The following FRY variants were observed in gnomAD, a reference collection of about 807,000 sequenced individuals.
The protein encoded by FRY is protein furry homolog.
In FRY, 128 loss-of-function variants were observed where a neutral mutation model predicts 348.4. That is an observed-to-expected ratio of 0.37 (90% CI 0.32 to 0.43). The LOEUF is 0.43. Among genes scored for constraint, FRY ranks in the 20% least tolerant of loss-of-function variants. FRY has a pLI of 1.00. For synonymous variants in FRY, 1,370 were observed against 1,374.7 expected (o/e 1.00, Z 0.08); for missense variants, 2,736 against 3,695.2 (o/e 0.74, Z 6.73).
Position 32,234,602 on chromosome 13 carries a change from A to T in FRY, c.5556A>T (p.Glu1852Asp). ...SGFHLEHQLS[E>D]VALQTALASS... ...TCCATCTGGAGCACCAGTTGAGTGAAGTTGCATTGCAGACAGCCCTCGCAA... is the reference window on the plus strand; with the variant it reads ...TCCATCTGGAGCACCAGTTGAGTGATGTTGCATTGCAGACAGCCCTCGCAA... The change falls in exon 42 of 61, where the codon GAA becomes GAT. Residue 1852 changes from glutamate (E) to aspartate (D), a missense_variant. Physicochemically the swap from Glu to Asp is conservative, Grantham distance 45 (BLOSUM62 2). This residue lies in a region of FRY where 794 missense variants were observed against 977.0 expected (regional missense o/e 0.81). Coordinates refer to ENST00000542859, the MANE Select transcript of FRY (RefSeq NM_023037.3). 6.2e-7 allele frequency: 1 copy of T among 1,614,126 alleles called. No individual in the cohort carries two copies. The highest frequency in any genetic ancestry group is 8.5e-7 in the Non-Finnish European group (1 of 1,180,006).
intron 29 of FRY, 50 bp from the exon 30 acceptor site, chr13:32,201,891 C>G (rs73169120): frequency 9.9e-7 from 1 of 1,013,072 alleles, no homozygotes; most frequent in South Asian, 1.3e-5. Context: ...AATCTAGCCA[C>G]TCTGTCTTAT....
intron 58 of FRY, among the ~76,000 whole-genome samples, chr13:32,285,205 T>A (rs749319897): frequency 5.3e-5 from 8 of 152,190 alleles, no homozygotes; most frequent in Non-Finnish European, 1.2e-4. Flanking sequence ...CTCAAGGGAT[T>A]ATTTTTAGAA....
intron 3 of FRY, among the ~76,000 whole-genome samples, chr13:32,105,552 A>G (rs2138647260): frequency 6.6e-6 from 1 of 152,296 alleles, no homozygotes; most frequent in Non-Finnish European, 1.5e-5. Flanking sequence ...TAAACATTCA[A>G]ATTATATAGT....
In FRY at chr13:32,178,387, C is replaced by T; in HGVS notation, c.2632C>T (p.Pro878Ser). The T allele has an allele frequency of 2.5e-6, 4 of 1,614,108 alleles. No homozygotes were observed. Among genetic ancestry groups the T allele is most frequent in the Non-Finnish European group, 3.4e-6 (4 of 1,179,956 alleles). ...HCPTALSYAWPYAFTRLQSVM... is the reference protein window; with the variant it reads ...HCPTALSYAWSYAFTRLQSVM... Reference sequence around the variant, plus strand: ...CCCCACAGCCCTCAGCTATGCCTGGCCTTATGCCTTCACTCGGCTCCAGTC... The same window carrying T: ...CCCCACAGCCCTCAGCTATGCCTGGTCTTATGCCTTCACTCGGCTCCAGTC... The change falls in exon 21 of 61, where the codon CCT becomes TCT. Residue 878 changes from proline to serine, a missense_variant. By Grantham distance (74) the Pro-to-Ser change is moderately conservative. Around this residue, in one of 9 missense-constraint regions of FRY, gnomAD observed 449 missense variants for 576.9 expected, o/e 0.78. Transcript: ENST00000542859.
intron 28 of FRY, among the ~76,000 whole-genome samples, chr13:32,192,739 C>CTTTTTT (rs71194513): frequency 4.0e-5 from 4 of 99,244 alleles, no homozygotes; most frequent in Non-Finnish European, 5.9e-5. Context: ...CAGAATGTTA[C>CTTTTTT]TTTTTTTTTT....
intron 36 of FRY, among the ~76,000 whole-genome samples, chr13:32,220,894 CA>C (rs1377205015): frequency 6.6e-6 from 1 of 152,184 alleles, no homozygotes; most frequent in African/African-American, 2.4e-5. Context: ...TAATTTGTTG[CA>C]AGTAAGTTAC....
At position 32,196,847 on chromosome 13, in the gene FRY, T is replaced by A. The variant is rs183283221; in HGVS notation, c.3746+2550T>A. Among the ~76,000 whole-genome samples the A allele has an allele frequency of 4.4e-3, 676 of 152,322 alleles. 1 individual carries two copies. The highest frequency in any genetic ancestry group is 5.9e-3 in the Non-Finnish European group (401 of 68,016). ...CTATAATTTAGTACAAAAAATTGCTTACTTGTTAGGCAGCTTTAGTTCAAA... is the reference window on the plus strand; with the variant it reads ...CTATAATTTAGTACAAAAAATTGCTAACTTGTTAGGCAGCTTTAGTTCAAA... On this transcript the variant is annotated intron_variant, in intron 29 of 60. Transcript: ENST00000542859.
intron 11 of FRY, among the ~76,000 whole-genome samples, chr13:32,139,063 TGATAA>T (rs1593657605): frequency 6.6e-6 from 1 of 152,176 alleles, no homozygotes; most frequent in Non-Finnish European, 1.5e-5. Flanking sequence ...AAAATATCCT[TGATAA>T]GATAAAAATG....
chr13:32,036,319 C>T (rs935519436), intron 1 of FRY, among the ~76,000 whole-genome samples: 3 of 152,156 alleles, frequency 2.0e-5, no homozygotes, highest in African/African-American at 7.2e-5. Flanking sequence ...AGGAGACTTA[C>T]TCCAGTGTCC....
At chr13:32,051,720 T>C in intron 1 of FRY, among the ~76,000 whole-genome samples, 1 of 152,208 alleles carries the variant, frequency 6.6e-6, no homozygotes, top group Non-Finnish European at 1.5e-5. Context: ...CCAATATTCA[T>C]TGAGGACCCA....
At chr13:32,117,494 G>A in intron 4 of FRY, 21 bp downstream of exon 4, 1 of 1,610,310 alleles carries the variant, frequency 6.2e-7, no homozygotes, top group Non-Finnish European at 8.5e-7. Flanking sequence ...TTTGTGTAAG[G>A]ATCATGGTTT....
intron 28 of FRY, among the ~76,000 whole-genome samples, chr13:32,188,072 T>A (rs1196582575): frequency 1.3e-5 from 2 of 152,158 alleles, no homozygotes; most frequent in Non-Finnish European, 2.9e-5. Flanking sequence ...CCTAAACTTG[T>A]GGGCTGTAAG....
At chr13:32,036,865 T>C (rs931592682) in intron 1 of FRY, among the ~76,000 whole-genome samples, 1 of 152,136 alleles carries the variant, frequency 6.6e-6, no homozygotes, top group African/African-American at 2.4e-5. Flanking sequence ...TTTTAATCAC[T>C]CAAAGGACCA....
At chr13:32,086,000 T>G (rs423932) in intron 2 of FRY, 352,042 of 518,540 alleles carry the variant, frequency 0.68, 120,380 homozygotes, top group Middle Eastern at 0.72. Context: ...AATACTTGAG[T>G]CCTACCCAGG....
chr13:32,285,132 G>C (rs1888984386), intron 58 of FRY, among the ~76,000 whole-genome samples: 1 of 152,074 alleles, frequency 6.6e-6, no homozygotes, highest in African/African-American at 2.4e-5. Flanking sequence ...ATAAAACAAG[G>C]ACATTCCCAC....
At chr13:32,131,414 A>G (rs1879352508) in intron 7 of FRY, among the ~76,000 whole-genome samples, 1 of 152,218 alleles carries the variant, frequency 6.6e-6, no homozygotes, top group African/African-American at 2.4e-5. Context: ...CATTTTGAGA[A>G]GGTCTAAATA....
Position 32,244,153 on chromosome 13 carries a change from G to A in FRY, c.6799G>A (p.Val2267Ile), listed in dbSNP as rs763580582. The change falls in exon 47 of 61, where the codon GTT becomes ATT. Residue 2267 changes from valine (V) to isoleucine (I), a missense_variant. Physicochemically the swap from Val to Ile is conservative, Grantham distance 29. Around this residue, in one of 9 missense-constraint regions of FRY, gnomAD observed 789 missense variants for 996.2 expected, o/e 0.79. Coordinates refer to ENST00000542859, the MANE Select transcript of FRY (RefSeq NM_023037.3). ...VVPVKQFNVE[V>I]LKTIEKYVQS... ...TCCTGTCAAACAGTTCAATGTGGAA[G>A]TTCTGAAGACAATTGAAAAATATGT... is the stretch of plus-strand genomic sequence containing the variant. 1 of 1,613,902 alleles carries A rather than the reference G, an allele frequency of 6.2e-7. No individual in the cohort carries two copies. Among genetic ancestry groups the A allele is most frequent in the Non-Finnish European group, 8.5e-7 (1 of 1,179,794 alleles).
intron 14 of FRY, 58 bp from the exon 15 acceptor site, chr13:32,155,433 G>A (rs1881053731): frequency 1.7e-6 from 2 of 1,204,848 alleles, no homozygotes; most frequent in Non-Finnish European, 2.5e-6. Context: ...ACTTATGGAT[G>A]TATTCCACTA....
intron 48 of FRY, among the ~76,000 whole-genome samples, chr13:32,249,224 A>G (rs1886950824): frequency 6.6e-6 from 1 of 152,224 alleles, no homozygotes; most frequent in East Asian, 1.9e-4. Flanking sequence ...AAGTTTAAAC[A>G]ATCAAAAACT....
Sources: allele counts gnomAD v4.1 joint callset (sites outside exome capture counted in the v4.1 genomes callset), GRCh38; gene constraint gnomAD v4.1.1; regional missense constraint gnomAD v4.1.1; transcripts MANE v1.5; gene names NCBI Gene and HGNC (gene_info 2026-07-23, HGNC 2026-07-21).